Variants in CTBP1 observed in about 807,000 individuals in gnomAD.
The protein encoded by CTBP1 is C-terminal binding protein 1.
Under a neutral mutation model 42.1 loss-of-function variants are expected in CTBP1, and 11 were observed. The observed-to-expected ratio is 0.26, with a 90% CI of 0.16 to 0.43. CTBP1 has a LOEUF of 0.43. Among genes scored for constraint, CTBP1 ranks in the 20% least tolerant of loss-of-function variants. The pLI, the probability that CTBP1 is intolerant of heterozygous loss-of-function variation, is 1.00. For missense variants in CTBP1, 399 were observed against 624.3 expected (o/e 0.64, Z 3.85); for synonymous variants, 324 against 277.1 (o/e 1.17, Z -1.68).
intron 1 of CTBP1, among the ~76,000 whole-genome samples, chr4:1,246,937 G>C (rs982415373): frequency 2.6e-4 from 39 of 152,370 alleles, no homozygotes; most frequent in Admixed American, 1.6e-3. Flanking sequence ...GGGGGAGGCA[G>C]ACAGGACGAG....
At chr4:1,241,747 C>T (rs909962296) in intron 1 of CTBP1, 19 of 1,196,750 alleles carry the variant, frequency 1.6e-5, no homozygotes, top group Middle Eastern at 3.8e-4. Context: ...CCCGAGGCCG[C>T]GCCCCTGTGG....
intron 1 of CTBP1, chr4:1,241,793 C>A: frequency 8.5e-7 from 1 of 1,183,062 alleles, no homozygotes; most frequent in Non-Finnish European, 1.1e-6. Context: ...TCCCCCAGGG[C>A]TGCGGCCACC....
chr4:1,241,710 C>T (rs563731367), intron 1 of CTBP1, 191 bp from the exon 2 acceptor site: 22 of 1,222,794 alleles, frequency 1.8e-5, no homozygotes, highest in African/African-American at 1.3e-4. Flanking sequence ...ACACGAAGGG[C>T]GCTCACCCTG....
intron 4 of CTBP1, among the ~76,000 whole-genome samples, chr4:1,226,442 G>A (rs909495197): frequency 1.3e-5 from 2 of 152,030 alleles, no homozygotes; most frequent in South Asian, 2.1e-4. Context: ...CCCGGGGGCC[G>A]GGAGAGGGCC....
chr4:1,228,509 C>T lies in CTBP1; in HGVS notation c.163-166G>A, dbSNP rs528529942. Among the ~76,000 whole-genome samples, 61 of 152,360 alleles carry T rather than the reference C, an allele frequency of 4.0e-4. No homozygotes were observed. In the East Asian group the frequency reaches 5.4e-3, roughly 13 times the overall value. On this transcript the variant is annotated intron_variant, in intron 3 of 9. Coordinates refer to ENST00000382952, the MANE Select transcript of CTBP1 (RefSeq NM_001012614.2). ...AGGCTACATGAAGGCTTCCCCGCCA[C>T]GCGCGGCCCCTCAACCTCTGCCCAG...
At chr4:1,227,053 C>G (rs970914027) in intron 4 of CTBP1, among the ~76,000 whole-genome samples, 1 of 152,030 alleles carries the variant, frequency 6.6e-6, no homozygotes, top group Non-Finnish European at 1.5e-5. Context: ...ACAGACCGAG[C>G]CTGGCAGAAA....
At chr4:1,226,754 G>A (rs1319328675) in intron 4 of CTBP1, among the ~76,000 whole-genome samples, 1 of 151,622 alleles carries the variant, frequency 6.6e-6, no homozygotes, top group Non-Finnish European at 1.5e-5. Context: ...CACCGCAGCC[G>A]GCCCTTCCTG....
rs529799620 is a variant in CTBP1 at position 1,228,453 on chromosome 4, G to C, written c.163-110C>G. On this transcript the variant is annotated intron_variant, in intron 3 of 9. Transcript: ENST00000382952. ...AAATTAGCCTGTGGCCCTCAGGCTT[G>C]TTCCCCAAGCACCAGCCCGGACACT... The C allele has an allele frequency of 1.1e-3, 1,512 of 1,359,562 alleles. 6 individuals are homozygous for C. The highest frequency in any genetic ancestry group is 1.4e-3 in the Non-Finnish European group (1,390 of 993,622). 84.2% of individuals were successfully genotyped at this position (1,359,562 alleles called of 1,614,324 possible). A position where few individuals can be genotyped will look rare whatever the true frequency, so the allele number is the denominator to read the frequency against.
intron 1 of CTBP1, among the ~76,000 whole-genome samples, chr4:1,248,353 C>A (rs1346238574): frequency 6.6e-6 from 1 of 151,590 alleles, no homozygotes; most frequent in Non-Finnish European, 1.5e-5. Flanking sequence ...GCCTCCTCCA[C>A]GGTCATACCC....
In CTBP1 at chr4:1,249,085, G is replaced by A. The variant is rs998404400; in HGVS notation, c.-358C>T. 1.1e-5 allele frequency: 3 copies of A among 280,558 alleles called. No individual in the cohort carries two copies. Among genetic ancestry groups the A allele is most frequent in the Admixed American group, 6.7e-5 (1 of 14,866 alleles). The allele number at this position is 280,558 out of a possible 1,614,324, so 17.4% of individuals were successfully genotyped here. On this transcript the variant is annotated 5_prime_UTR_variant, in exon 1 of 10. Transcript: ENST00000382952. Reference sequence around the variant, plus strand: ...GCCTGCGCCTGGCCGCCGCCGTGCCGAGTCTCCGCCGCGCCGCTGAGCCGC... The same window carrying A: ...GCCTGCGCCTGGCCGCCGCCGTGCCAAGTCTCCGCCGCGCCGCTGAGCCGC...
chr4:1,223,554 T>A (rs1415821959), intron 5 of CTBP1: 1 of 451,732 alleles, frequency 2.2e-6, no homozygotes, highest in Non-Finnish European at 4.4e-6. Context: ...TCAAGGGGAG[T>A]CCCTGGCATG....
chr4:1,213,874 G>A, intron 7 of CTBP1: 1 of 487,976 alleles, frequency 2.0e-6, no homozygotes. Flanking sequence ...GGGGGGACAT[G>A]CTGCCTGGCC....
chr4:1,246,138 C>T (rs1001052112), intron 1 of CTBP1, among the ~76,000 whole-genome samples: 2 of 152,182 alleles, frequency 1.3e-5, no homozygotes, highest in African/African-American at 2.4e-5. Context: ...TGGGTTACCA[C>T]GACCCAGTGC....
intron 5 of CTBP1, among the ~76,000 whole-genome samples, chr4:1,220,289 C>CA (rs796075205): frequency 0.021 from 2,423 of 114,330 alleles, 23 homozygotes; most frequent in African/African-American, 0.046. Context: ...AGACTGTCTC[C>CA]AAAAAAAAAA....
At chr4:1,242,233 C>T in intron 1 of CTBP1, 2 of 985,420 alleles carry the variant, frequency 2.0e-6, no homozygotes, top group Non-Finnish European at 2.4e-6. Context: ...CCAGTAGAGG[C>T]TTGAGAGTGC....
intron 2 of CTBP1, among the ~76,000 whole-genome samples, chr4:1,240,222 C>T (rs891950750): frequency 8.2e-5 from 11 of 134,012 alleles, no homozygotes; most frequent in African/African-American, 2.8e-4. Context: ...CCGGGTCCCT[C>T]GTCGGAACCG....
At chr4:1,249,507 G>GCAGCCA, upstream of CTBP1, 1 of 173,084 alleles carries the variant, frequency 5.8e-6, no homozygotes, top group Non-Finnish European at 1.2e-5. Context: ...AGCCGCAGCC[G>GCAGCCA]CCCCGCTCCC....
intron 3 of CTBP1, chr4:1,236,299 G>T: frequency 2.9e-6 from 1 of 341,492 alleles, no homozygotes. Flanking sequence ...TCTCATCACG[G>T]AGGAGCCTGT....
Position 1,230,218 on chromosome 4 carries a change from G to A in CTBP1, c.163-1875C>T, listed in dbSNP as rs561736050. Reference sequence around the variant, plus strand: ...ACACTTGACCAGACGTAGTGTGGACGGGGTGAGGCCACAAGGACAGCATGG... The same window carrying A: ...ACACTTGACCAGACGTAGTGTGGACAGGGTGAGGCCACAAGGACAGCATGG... On this transcript the variant is annotated intron_variant, in intron 3 of 9. Transcript: ENST00000382952. Among the ~76,000 whole-genome samples, 6 of 152,212 alleles carry A rather than the reference G, an allele frequency of 3.9e-5. No homozygotes were observed. The South Asian group carries it at 1.0e-3, about 26-fold the overall frequency.
Sources: allele counts gnomAD v4.1 joint callset (sites outside exome capture counted in the v4.1 genomes callset), GRCh38; gene constraint gnomAD v4.1.1; transcripts MANE v1.5; gene names NCBI Gene and HGNC (gene_info 2026-07-23, HGNC 2026-07-21).